ATG10: variants seen among roughly 807,000 people sequenced by gnomAD.
ATG10 encodes the protein ubiquitin-like-conjugating enzyme ATG10.
In ATG10, 30 loss-of-function variants were observed where a neutral mutation model predicts 32.1. That is an observed-to-expected ratio of 0.94 (90% CI 0.70 to 1.27). The LOEUF is 1.27. ATG10 is among the 50% of genes most tolerant of loss of function. The pLI is 0.00. For synonymous variants in ATG10, 87 were observed against 91.5 expected (o/e 0.95, Z 0.28); for missense variants, 233 against 262.3 (o/e 0.89, Z 0.77).
intron 3 of ATG10, among the ~76,000 whole-genome samples, chr5:82,143,219 A>G (rs1408444815): frequency 1.3e-5 from 2 of 152,262 alleles, no homozygotes; most frequent in African/African-American, 4.8e-5. Context: ...TAGAACATCT[A>G]TGCCAAAGTT....
intron 3 of ATG10, among the ~76,000 whole-genome samples, chr5:82,159,750 T>G (rs1743230755): frequency 6.6e-6 from 1 of 152,066 alleles, no homozygotes; most frequent in South Asian, 2.1e-4. Context: ...TTTATTAACA[T>G]GATCCCTCTG....
At chr5:82,241,835 T>TA (rs933902330) in intron 5 of ATG10, among the ~76,000 whole-genome samples, 5 of 150,178 alleles carry the variant, frequency 3.3e-5, no homozygotes, top group East Asian at 1.9e-4. Context: ...ACAAAACAGA[T>TA]AAAAAAAGAA....
chr5:82,190,721 C>T (rs1380548114), intron 5 of ATG10, among the ~76,000 whole-genome samples: 6 of 129,808 alleles, frequency 4.6e-5, no homozygotes, highest in Non-Finnish European at 9.2e-5. Context: ...TTGCAGTGAG[C>T]CGAGATCACA....
chr5:82,152,835 C>G (rs1264249278), intron 3 of ATG10, among the ~76,000 whole-genome samples: 1 of 151,950 alleles, frequency 6.6e-6, no homozygotes, highest in Non-Finnish European at 1.5e-5. Context: ...ACTTTTTTGA[C>G]TCCTAGTGTC....
At chr5:82,082,150 T>G (rs562162808) in intron 3 of ATG10, among the ~76,000 whole-genome samples, 2 of 151,988 alleles carry the variant, frequency 1.3e-5, no homozygotes, top group Non-Finnish European at 2.9e-5. Context: ...CAGATGAGAT[T>G]TGGGGGGGGG....
At chr5:82,068,753 A>G (rs906326988) in intron 3 of ATG10, among the ~76,000 whole-genome samples, 1 of 146,692 alleles carries the variant, frequency 6.8e-6, no homozygotes, top group Non-Finnish European at 1.5e-5. Flanking sequence ...TAAAGTATAT[A>G]TATATATAAT....
intron 5 of ATG10, among the ~76,000 whole-genome samples, chr5:82,206,134 A>G (rs116472070): frequency 0.052 from 7,913 of 152,184 alleles, 506 homozygotes; most frequent in African/African-American, 0.16. Context: ...TTGGAGTGCT[A>G]TGCTGACATG....
At chr5:82,181,378 C>T (rs1240058826) in intron 5 of ATG10, among the ~76,000 whole-genome samples, 1 of 152,150 alleles carries the variant, frequency 6.6e-6, no homozygotes, top group Non-Finnish European at 1.5e-5. Flanking sequence ...CACTACTTGG[C>T]ATTTGAAAAT....
intron 3 of ATG10, among the ~76,000 whole-genome samples, chr5:82,112,562 T>G (rs1765653156): frequency 6.6e-6 from 1 of 151,904 alleles, no homozygotes; most frequent in South Asian, 2.1e-4. Context: ...GTATTGTACT[T>G]TAAGACCCTG....
intron 2 of ATG10, among the ~76,000 whole-genome samples, chr5:81,996,943 C>T (rs939909547): frequency 8.5e-5 from 13 of 152,246 alleles, no homozygotes; most frequent in African/African-American, 2.9e-4. Flanking sequence ...TATATCTTAA[C>T]CTATAAAAAG....
chr5:82,252,693 C>G, intron 6 of ATG10, 34 bp downstream of exon 6: 1 of 1,271,154 alleles, frequency 7.9e-7, no homozygotes, highest in Non-Finnish European at 1.1e-6. Flanking sequence ...TTGGCTTCTA[C>G]TCTGATTTTA....
intron 5 of ATG10, among the ~76,000 whole-genome samples, chr5:82,200,996 T>C (rs1176560045): frequency 6.6e-6 from 1 of 151,898 alleles, no homozygotes; most frequent in East Asian, 1.9e-4. Flanking sequence ...GCAATTCTCC[T>C]GCCTCAGCCT....
chr5:82,159,170 A>T (rs891434373), intron 3 of ATG10, among the ~76,000 whole-genome samples: 4 of 152,180 alleles, frequency 2.6e-5, no homozygotes, highest in Non-Finnish European at 4.4e-5. Flanking sequence ...GATTGCTACT[A>T]AGTGACTAAT....
chr5:82,124,971 T>A lies in ATG10; in HGVS notation c.217-39428T>A, dbSNP rs542334599. ...CATCTGTTGTTTCCTGACTTTTTAA[T>A]GAACACCATTCTAACTGGCATGAGA... is the stretch of plus-strand genomic sequence containing the variant. On this transcript the variant is annotated intron_variant, in intron 3 of 7. Transcript: ENST00000282185. Among the ~76,000 whole-genome samples the A allele has an allele frequency of 2.2e-3, 341 of 152,350 alleles. 1 individual carries two copies. The highest frequency in any genetic ancestry group is 7.9e-3 in the African/African-American group (329 of 41,582).
intron 2 of ATG10, among the ~76,000 whole-genome samples, chr5:82,002,200 T>G (rs1761870483): frequency 6.6e-6 from 1 of 152,234 alleles, no homozygotes; most frequent in African/African-American, 2.4e-5. Context: ...GGAATGTAAA[T>G]TAGTTCAGCC....
chr5:82,135,787 T>C (rs1766711790), intron 3 of ATG10, among the ~76,000 whole-genome samples: 1 of 152,188 alleles, frequency 6.6e-6, no homozygotes, highest in Non-Finnish European at 1.5e-5. Flanking sequence ...TAATTTTCTG[T>C]CTTGTTGATC....
chr5:82,171,256 C>T (rs769233890), intron 4 of ATG10, among the ~76,000 whole-genome samples: 1 of 152,136 alleles, frequency 6.6e-6, no homozygotes, highest in Non-Finnish European at 1.5e-5. Flanking sequence ...CATAATTGCT[C>T]CTTTATGTGC....
At chr5:82,005,299 T>C (rs914434950) in intron 2 of ATG10, among the ~76,000 whole-genome samples, 1 of 152,166 alleles carries the variant, frequency 6.6e-6, no homozygotes, top group Non-Finnish European at 1.5e-5. Context: ...TTGTTTTCTT[T>C]TGTTTTGTTT....
intron 2 of ATG10, among the ~76,000 whole-genome samples, chr5:82,025,658 GTTT>G (rs1467643693): frequency 6.6e-6 from 1 of 152,150 alleles, no homozygotes; most frequent in African/African-American, 2.4e-5. Context: ...AATTAACAGT[GTTT>G]TGTACAGAAA....
Sources: allele counts gnomAD v4.1 joint callset (sites outside exome capture counted in the v4.1 genomes callset), GRCh38; gene constraint gnomAD v4.1.1; transcripts MANE v1.5; gene names NCBI Gene and HGNC (gene_info 2026-07-23, HGNC 2026-07-21).